The following RFWD3 variants were observed in gnomAD, a reference collection of about 807,000 sequenced individuals.
RFWD3 encodes E3 ubiquitin-protein ligase RFWD3.
A neutral mutation model predicts 87.7 loss-of-function variants in RFWD3; 65 were observed. That is an observed-to-expected ratio of 0.74 (90% CI 0.61 to 0.91). The LOEUF (loss-of-function observed/expected upper bound fraction) is 0.91, where lower values mean the gene tolerates loss of function less well. Ranked by LOEUF, RFWD3 falls within the 40% of genes least tolerant of loss-of-function variation. The probability of loss-of-function intolerance (pLI) is 0.00; values close to 1 mark genes in which losing one functional copy is unlikely to be tolerated. For synonymous variants in RFWD3, 433 were observed against 352.8 expected, an observed-to-expected ratio of 1.23 and a Z score of -2.55; for missense variants, 1,078 against 938.5, an observed-to-expected ratio of 1.15 and a Z score of -1.94.
At chr16:74,655,498 C>A (rs928434444) in intron 2 of RFWD3, among the ~76,000 whole-genome samples, 12 of 151,658 alleles carry the variant, frequency 7.9e-5, no homozygotes, top group Non-Finnish European at 1.5e-4. Context: ...TCGCCCGCCT[C>A]GGCCTCCCAA....
intron 1 of RFWD3, chr16:74,666,172 G>C (rs905938199): frequency 1.8e-4 from 26 of 147,062 alleles, no homozygotes; most frequent in African/African-American, 5.4e-4. Context: ...AGATAGATTA[G>C]ATAGACAGAT....
chr16:74,627,187 C>T (rs149963383), intron 11 of RFWD3, among the ~76,000 whole-genome samples: 4 of 152,234 alleles, frequency 2.6e-5, no homozygotes, highest in Non-Finnish European at 5.9e-5. Flanking sequence ...GTAGACCCAC[C>T]CACAACTAGC....
chr16:74,648,697 G>T (rs765432321), intron 4 of RFWD3, among the ~76,000 whole-genome samples: 2 of 151,606 alleles, frequency 1.3e-5, no homozygotes, highest in Non-Finnish European at 2.9e-5. Context: ...GCTTAAACAC[G>T]GGAGGCAGAG....
chr16:74,625,034 AG>A (rs758391825), intron 12 of RFWD3, among the ~76,000 whole-genome samples: 12 of 152,002 alleles, frequency 7.9e-5, no homozygotes, highest in Non-Finnish European at 1.8e-4. Flanking sequence ...AATATTTTGA[AG>A]TATTAAAAAG....
intron 9 of RFWD3, 132 bp from the exon 10 acceptor site, chr16:74,631,089 C>G (rs959558360): frequency 1.4e-6 from 1 of 735,902 alleles, no homozygotes; most frequent in Non-Finnish European, 2.0e-6. Context: ...TATCTGGATT[C>G]CCTATTTTTT....
chr16:74,636,228 G>A (rs1376873652), intron 8 of RFWD3, 118 bp downstream of exon 8: 1 of 860,856 alleles, frequency 1.2e-6, no homozygotes, highest in African/African-American at 1.7e-5. Flanking sequence ...GCATTAACAA[G>A]GAACTAATAG....
Position 74,626,336 on chromosome 16 carries a change from G to A in RFWD3, c.2181+7C>T. On this transcript the variant is annotated splice_region_variant and intron_variant, in intron 12 of 12. Coordinates refer to ENST00000361070, the MANE Select transcript of RFWD3 (RefSeq NM_018124.4). ...TTTATATGAAAGTAAAAAAGTAACA[G>A]GCTCACCAGGGCAGAATTTGCTGCT... 1 of 1,611,600 alleles carries A rather than the reference G, an allele frequency of 6.2e-7. No individual in the cohort carries two copies. The highest frequency in any genetic ancestry group is 8.5e-7 in the Non-Finnish European group (1 of 1,177,812).
intron 1 of RFWD3, chr16:74,666,289 C>A (rs1425140320): frequency 6.6e-6 from 1 of 152,210 alleles, no homozygotes; most frequent in African/African-American, 2.4e-5. Context: ...GGCGGGTTTC[C>A]TAAACTCGGC....
intron 4 of RFWD3, among the ~76,000 whole-genome samples, chr16:74,648,434 T>C (rs1436599404): frequency 6.7e-6 from 1 of 148,484 alleles, no homozygotes; most frequent in Admixed American, 6.8e-5. Flanking sequence ...GGATTACAGG[T>C]GTAAGCCACC....
At chr16:74,645,750 T>C (rs564993427) in intron 4 of RFWD3, among the ~76,000 whole-genome samples, 132 of 137,106 alleles carry the variant, frequency 9.6e-4, no homozygotes, top group African/African-American at 3.6e-3. Flanking sequence ...ATTTTCTTTT[T>C]TTTTTTTTTT....
At position 74,637,976 on chromosome 16, in the gene RFWD3, G is replaced by T. The variant is rs191155100; in HGVS notation, c.1080-6C>A. 1 of 1,599,966 alleles carries T rather than the reference G, an allele frequency of 6.3e-7. No homozygotes were observed. The highest frequency in any genetic ancestry group is 8.5e-7 in the Non-Finnish European group (1 of 1,171,058). On this transcript the variant is annotated splice_polypyrimidine_tract_variant and splice_region_variant and intron_variant, in intron 6 of 12. Transcript: ENST00000361070. ...TCTGTTCCTTCAGTAGGGAACTAGA[G>T]GGGGAAAGCCAGCAACAAGTGGGGA...
chr16:74,628,368 C>T, intron 11 of RFWD3, 84 bp downstream of exon 11: 1 of 1,332,502 alleles, frequency 7.5e-7, no homozygotes, highest in Non-Finnish European at 1.1e-6. Flanking sequence ...CCACAGCCAC[C>T]CAAAGGGTAG....
At chr16:74,660,861 G>C in intron 2 of RFWD3, 71 bp downstream of exon 2, 13 of 1,513,638 alleles carry the variant, frequency 8.6e-6, no homozygotes, top group Non-Finnish European at 1.2e-5. Flanking sequence ...GTCAGTCCTT[G>C]AATGGCAGAG....
chr16:74,644,111 G>T (rs978681385), intron 6 of RFWD3: 27 of 544,964 alleles, frequency 5.0e-5, no homozygotes, highest in Non-Finnish European at 7.9e-5. Context: ...AAGCAAAAAT[G>T]GCAACAGAAG....
chr16:74,639,790 G>C (rs1320460454), intron 6 of RFWD3, among the ~76,000 whole-genome samples: 1 of 152,138 alleles, frequency 6.6e-6, no homozygotes, highest in Non-Finnish European at 1.5e-5. Flanking sequence ...TGGAATATGT[G>C]AGAAAGAATT....
At chr16:74,647,867 T>C (rs1438156445) in intron 4 of RFWD3, among the ~76,000 whole-genome samples, 2 of 151,764 alleles carry the variant, frequency 1.3e-5, no homozygotes, top group Admixed American at 6.6e-5. Flanking sequence ...GCTGGGATTA[T>C]AGGCATGGGC....
At chr16:74,653,191 T>TAGCC (rs1234722654) in intron 2 of RFWD3, among the ~76,000 whole-genome samples, 3 of 151,634 alleles carry the variant, frequency 2.0e-5, no homozygotes, top group Non-Finnish European at 4.4e-5. Flanking sequence ...ATACACAATA[T>TAGCC]AGCCAGGCAT....
At chr16:74,657,349 G>A (rs1178648354) in intron 2 of RFWD3, among the ~76,000 whole-genome samples, 1 of 152,078 alleles carries the variant, frequency 6.6e-6, no homozygotes, top group Non-Finnish European at 1.5e-5. Context: ...TAAGCATTTG[G>A]TCAGTTTCCT....
At position 74,622,765 on chromosome 16, in the gene RFWD3, G is replaced by A. The variant is rs767683465; in HGVS notation, c.*1163C>T. 1.3e-5 allele frequency: 2 copies of A among 152,128 alleles called. No homozygotes were observed. The highest frequency in any genetic ancestry group is 2.4e-5 in the African/African-American group (1 of 41,426). 9.4% of individuals were successfully genotyped at this position (152,128 alleles called of 1,614,324 possible). A position where few individuals can be genotyped will look rare whatever the true frequency, so the allele number is the denominator to read the frequency against. On this transcript the variant is annotated 3_prime_UTR_variant, in exon 13 of 13. Transcript: ENST00000361070. The stretch of plus-strand genomic sequence containing the variant: ...GAAGTGGGTTGGCAAAGTAGTCTGA[G>A]GCAAGGCAAAGAAATACAAACTGAG...
Sources: allele counts gnomAD v4.1 joint callset (sites outside exome capture counted in the v4.1 genomes callset), GRCh38; gene constraint gnomAD v4.1.1; transcripts MANE v1.5; gene names NCBI Gene and HGNC (gene_info 2026-07-23, HGNC 2026-07-21).